The following IGFN1 variants were observed in gnomAD, a reference collection of about 807,000 sequenced individuals.
IGFN1 encodes the protein immunoglobulin-like and fibronectin type III domain-containing protein 1.
IGFN1 carries 253 observed loss-of-function variants against 289.5 expected under a neutral mutation model. The ratio of observed to expected loss-of-function variants is 0.87; its 90% CI spans 0.79 to 0.97. The LOEUF (loss-of-function observed/expected upper bound fraction) is 0.97, where lower values mean the gene tolerates loss of function less well. IGFN1 is among the 50% of genes least tolerant of loss of function. The pLI is 0.00. For missense variants in IGFN1, 4,470 were observed against 4,686.1 expected (o/e 0.95, Z 1.35); for synonymous variants, 1,706 against 1,788.5 (o/e 0.95, Z 1.16).
intron 18 of IGFN1, among the ~76,000 whole-genome samples, chr1:201,221,096 G>A (rs1364802703): frequency 6.6e-6 from 1 of 152,208 alleles, no homozygotes; most frequent in Non-Finnish European, 1.5e-5. Flanking sequence ...TGGAAGTCTA[G>A]TCATACGGGA....
At chr1:201,224,915 C>T in intron 21 of IGFN1, 41 bp downstream of exon 21, 1 of 1,503,780 alleles carries the variant, frequency 6.6e-7, no homozygotes, top group Non-Finnish European at 9.1e-7. Context: ...GCTGGCTCGG[C>T]CACTCACCAA....
chr1:201,203,803 G>A lies in IGFN1; in HGVS notation c.813G>A (p.Lys271=), dbSNP rs1210282572. 4 of 1,551,598 alleles carry A rather than the reference G, an allele frequency of 2.6e-6. No individual in the cohort carries two copies. Among genetic ancestry groups the A allele is most frequent in the African/African-American group, 1.4e-5 (1 of 73,036 alleles). ...AGCACTGTCTGCGCCGGCTGGGGAA[G>A]CGCTATGAGTTCCAGATTCAAGACC... ...QTKHCLRRLG[K]RYEFQIQDLR... The change falls in exon 10 of 24, where the codon AAG becomes AAA. Residue 271 remains lysine, a synonymous_variant. Transcript: ENST00000335211.
In IGFN1 at chr1:201,208,810, A is replaced by G; in HGVS notation, c.3917A>G (p.Tyr1306Cys). ...ATGGGTTCGGGGAGCAAGGCAGATT[A>G]TAGGGATGGTGTAGGGGGTTCTGGG... ...ENMGSGSKADYRDGVGGSGAM... is the reference protein window; with the variant it reads ...ENMGSGSKADCRDGVGGSGAM... Residue 1306 changes from tyrosine to cysteine, a missense_variant, in exon 12 of 24, where the codon TAT becomes TGT. Physicochemically the swap from Tyr to Cys is radical, Grantham distance 194. Transcript: ENST00000335211. 1 of 1,536,256 alleles carries G rather than the reference A, an allele frequency of 6.5e-7. No homozygotes were observed. Among genetic ancestry groups the G allele is most frequent in the Non-Finnish European group, 8.7e-7 (1 of 1,146,464 alleles).
At position 201,214,387 on chromosome 1, in the gene IGFN1, G is replaced by C. The variant is rs1441141663; in HGVS notation, c.8853+86G>C. The stretch of plus-strand genomic sequence containing the variant: ...GGGCAAGAGCGTAGAGGCTTTGAAA[G>C]AAAGATTTTTCATTCTTCATTTTGC... On this transcript the variant is annotated intron_variant, in intron 13 of 23. Coordinates refer to ENST00000335211, the MANE Select transcript of IGFN1 (RefSeq NM_001164586.2). 9.5e-6 allele frequency: 13 copies of C among 1,375,122 alleles called. 1 individual carries two copies. Among genetic ancestry groups the C allele is most frequent in the Middle Eastern group, 1.9e-4 (1 of 5,304 alleles). 85.2% of individuals were successfully genotyped at this position (1,375,122 alleles called of 1,614,324 possible). A position where few individuals can be genotyped will look rare whatever the true frequency, so the allele number is the denominator to read the frequency against.
chr1:201,203,997 G>A, intron 10 of IGFN1, 91 bp downstream of exon 10: 1 of 1,185,812 alleles, frequency 8.4e-7, no homozygotes, highest in Non-Finnish European at 1.2e-6. Context: ...GGGGGTAAAT[G>A]TGATGTGGCC....
Position 201,206,978 on chromosome 1 carries a change from G to C in IGFN1, c.2085G>C (p.Trp695Cys). 6.5e-7 allele frequency: 1 copy of C among 1,536,164 alleles called. No individual in the cohort carries two copies. Among genetic ancestry groups the C allele is most frequent in the Non-Finnish European group, 8.7e-7 (1 of 1,146,428 alleles). The change falls in exon 12 of 24, where the codon TGG becomes TGC. Residue 695 changes from tryptophan (W) to cysteine (C), a missense_variant. By Grantham distance (215) the Trp-to-Cys change is radical. Transcript: ENST00000335211. ...AGGTGGGCATGGCCCCTGAATCCTG[G>C]GGTTCTCAGGGAGGTAGAGATGCTG... ...GSKVGMAPES[W>C]GSQGGRDADY...
chr1:201,205,551 C>A (rs114767524), intron 11 of IGFN1, among the ~76,000 whole-genome samples, 197 bp downstream of exon 11: 1 of 152,144 alleles, frequency 6.6e-6, no homozygotes, highest in Admixed American at 6.5e-5. Flanking sequence ...TCTACTGGGT[C>A]TCTTGGAATT....
chr1:201,197,422 C>T, intron 5 of IGFN1, 105 bp downstream of exon 5: 1 of 722,666 alleles, frequency 1.4e-6, no homozygotes, highest in South Asian at 1.6e-5. Flanking sequence ...GGAAGGGAGG[C>T]CCATCCAGGC....
Position 201,208,454 on chromosome 1 carries a change from G to A in IGFN1, c.3561G>A (p.Arg1187=), listed in dbSNP as rs1667544091. ...GAGAGYRDDT[R]HPESLAPHNG... The stretch of plus-strand genomic sequence containing the variant: ...GAGCTGGTTATAGGGATGATACCAG[G>A]CACCCTGAGTCACTCGCACCTCACA... The change falls in exon 12 of 24, where the codon AGG becomes AGA. Residue 1187 remains arginine, a synonymous_variant. Transcript: ENST00000335211. 6.9e-6 allele frequency: 10 copies of A among 1,446,010 alleles called. No individual in the cohort carries two copies. The highest frequency in any genetic ancestry group is 5.0e-5 in the East Asian group (2 of 40,298). 89.6% of individuals were successfully genotyped at this position (1,446,010 alleles called of 1,614,324 possible).
In IGFN1 at chr1:201,208,102, G is replaced by A. The variant is rs1262663355; in HGVS notation, c.3209G>A (p.Gly1070Glu). The A allele has an allele frequency of 7.2e-6, 11 of 1,536,792 alleles. No individual in the cohort carries two copies. Among genetic ancestry groups the A allele is most frequent in the Non-Finnish European group, 9.6e-6 (11 of 1,146,834 alleles). Residue 1070 changes from glycine (G) to glutamate (E), a missense_variant, in exon 12 of 24, where the codon GGG (glycine) becomes GAG (glutamate). By Grantham distance (98) the Gly-to-Glu change is moderately conservative. Transcript: ENST00000335211. ...CAGGCAGGCATGGACCCTAGGGGAG[G>A]GCACCATTCAGATGGTGGCCTAGGG... ...ACQAGMDPRG[G>E]HHSDGGLGSP...
rs572063891 is a variant in IGFN1 at position 201,211,641 on chromosome 1, T to C, written c.6748T>C (p.Tyr2250His). The C allele has an allele frequency of 1.4e-4, 217 of 1,536,908 alleles. 2 individuals are homozygous for C. In the South Asian group the frequency reaches 2.4e-3, roughly 17 times the overall value. The change falls in exon 12 of 24, where the codon TAT (tyrosine) becomes CAT (histidine). Residue 2250 changes from tyrosine (Y) to histidine (H), a missense_variant. Transcript: ENST00000335211. The stretch of plus-strand genomic sequence containing the variant: ...AATGGGGTCAATGGATGAGGCAGAT[T>C]ATAGGAAGGATTTGGGAGCTCCTGA... ...GEMGSMDEAD[Y>H]RKDLGAPEEM...
At chr1:201,225,800 C>A (rs1405049368) in intron 21 of IGFN1, 24 bp from the exon 22 acceptor site, 23 of 1,589,996 alleles carry the variant, frequency 1.4e-5, no homozygotes, top group Non-Finnish European at 1.9e-5. Flanking sequence ...TCCACGTGAC[C>A]TCCCTCTGCC....
chr1:201,221,544 C>T lies in IGFN1; in HGVS notation c.9999C>T (p.Ala3333=), dbSNP rs1420266778. 1 of 1,614,146 alleles carries T rather than the reference C, an allele frequency of 6.2e-7. No individual in the cohort carries two copies. Among genetic ancestry groups the T allele is most frequent in the African/African-American group, 1.3e-5 (1 of 75,050 alleles). Residue 3333 remains alanine, a synonymous_variant, in exon 19 of 24, where the codon GCC becomes GCT. Transcript: ENST00000335211. The part of the protein sequence containing the change: ...AGPDTQEGDE[A]QGYVVELCSS... ...CAGACACCCAGGAAGGGGATGAAGC[C>T]CAGGGGTATGTGGTGGAGCTGTGCA...
chr1:201,212,693 C>A lies in IGFN1; in HGVS notation c.7800C>A (p.Asp2600Glu). The A allele has an allele frequency of 2.6e-6, 4 of 1,548,340 alleles. No homozygotes were observed. Among genetic ancestry groups the A allele is most frequent in the Non-Finnish European group, 3.5e-6 (4 of 1,145,250 alleles). The change falls in exon 12 of 24, where the codon GAC (aspartate) becomes GAA (glutamate). Residue 2600 changes from aspartate to glutamate, a missense_variant. By Grantham distance (45) the Asp-to-Glu change is conservative (BLOSUM62 2). Around this residue, in one of 8 missense-constraint regions of IGFN1, gnomAD observed 2,218 missense variants for 2,114.1 expected, o/e 1.05. Transcript: ENST00000335211. Reference protein sequence around the residue: ...GSSVGTGQDLDSGSMPGGRGK... With the variant: ...GSSVGTGQDLESGSMPGGRGK... ...CAGTGGGGACAGGTCAGGATCTGGA[C>A]AGCGGCTCTATGCCTGGGGGAAGGG...
rs1223834076 is a variant in IGFN1 at position 201,217,385 on chromosome 1, A to G, written c.9694A>G (p.Ile3232Val). 3 of 1,614,044 alleles carry G rather than the reference A, an allele frequency of 1.9e-6. No individual in the cohort carries two copies. The African/African-American group carries it at 4.0e-5, about 22-fold the overall frequency. The change falls in exon 17 of 24, where the codon ATC becomes GTC. Residue 3232 changes from isoleucine to valine, a missense_variant. Coordinates refer to ENST00000335211, the MANE Select transcript of IGFN1 (RefSeq NM_001164586.2). ...TAPRGPGSAH[I>V]LGYLIERRKK... ...ACCTCGGGGCCCCGGCAGCGCCCAC[A>G]TCCTGGGCTACCTGATCGAGAGGCG...
intron 8 of IGFN1, 78 bp from the exon 9 acceptor site, chr1:201,201,641 C>T (rs1667164932): frequency 4.0e-6 from 3 of 754,942 alleles, no homozygotes; most frequent in South Asian, 1.6e-5. Flanking sequence ...GGGATGGTAC[C>T]AGAGCCTATG....
chr1:201,208,933 A>C lies in IGFN1; in HGVS notation c.4040A>C (p.Gln1347Pro), dbSNP rs1458263265. The C allele has an allele frequency of 1.3e-6, 2 of 1,530,538 alleles. No homozygotes were observed. The highest frequency in any genetic ancestry group is 2.8e-5 in the African/African-American group (2 of 70,902). The allele number at this position is 1,530,538 out of a possible 1,614,324, so 94.8% of individuals were successfully genotyped here. The part of the protein sequence containing the change: ...GSKADYRGGL[Q>P]DSREAGSGSK... ...AAGGCAGATTATAGGGGTGGTTTAC[A>C]GGATTCCAGGGAAGCGGGTTCAGGG... is the stretch of plus-strand genomic sequence containing the variant. The change falls in exon 12 of 24, where the codon CAG (glutamine) becomes CCG (proline). Residue 1347 changes from glutamine to proline, a missense_variant. Around this residue, in one of 8 missense-constraint regions of IGFN1, gnomAD observed 2,011 missense variants for 1,953.4 expected, o/e 1.03. Transcript: ENST00000335211.
chr1:201,193,891 C>T (rs1404698705), intron 2 of IGFN1, among the ~76,000 whole-genome samples: 1 of 152,180 alleles, frequency 6.6e-6, no homozygotes, highest in African/African-American at 2.4e-5. Flanking sequence ...CCCAGTGACA[C>T]ACTCAGGGTC....
chr1:201,203,940 G>A (rs1193598007), intron 10 of IGFN1, 34 bp downstream of exon 10: 7 of 1,530,252 alleles, frequency 4.6e-6, no homozygotes, highest in Admixed American at 2.0e-5. Context: ...TTGGAGTTGG[G>A]GAGATATGTT....
Sources: gnomAD v4.1 joint callset for allele counts (sites outside exome capture counted in the v4.1 genomes callset) on GRCh38, gnomAD v4.1.1 for gene constraint, gnomAD v4.1.1 regional missense constraint, MANE v1.5 for transcripts, NCBI Gene and HGNC (gene_info 2026-07-23, HGNC 2026-07-21) for gene names.